The following ASPH variants were observed in gnomAD, a reference collection of about 807,000 sequenced individuals.
ASPH encodes the protein aspartate beta-hydroxylase, also known as aspartyl/asparaginyl beta-hydroxylase.
In ASPH, 100 loss-of-function variants were observed where a neutral mutation model predicts 118.4. The observed-to-expected ratio is 0.84, with a 90% CI of 0.72 to 1.00. The LOEUF (loss-of-function observed/expected upper bound fraction) is 1.00. Ranked by LOEUF, ASPH falls within the 50% of genes least tolerant of loss-of-function variation. The pLI, the probability that ASPH is intolerant of heterozygous loss-of-function variation, is 0.00. For missense variants in ASPH, 920 were observed against 919.5 expected, an observed-to-expected ratio of 1.00 and a Z score of -0.01; for synonymous variants, 315 against 325.6, an observed-to-expected ratio of 0.97 and a Z score of 0.35.
chr8:61,637,711 C>T lies in ASPH; in HGVS notation c.889+236G>A, dbSNP rs545210669. On this transcript the variant is annotated intron_variant, in intron 12 of 24. Transcript: ENST00000379454. ...CATCAATTGTTTGCTGTTACAGTAG[C>T]CTGTTTTTATCACTATCATTGTACT... Among the ~76,000 whole-genome samples the T allele has an allele frequency of 1.2e-4, 18 of 152,246 alleles. No homozygotes were observed. The East Asian group carries it at 3.3e-3, about 28-fold the overall frequency.
chr8:61,612,520 C>T (rs574492854), intron 14 of ASPH, among the ~76,000 whole-genome samples: 15 of 152,062 alleles, frequency 9.9e-5, no homozygotes, highest in African/African-American at 3.6e-4. Context: ...ATTACAGGCA[C>T]ACACCACCAC....
chr8:61,596,411 C>A (rs1376715868), intron 14 of ASPH, among the ~76,000 whole-genome samples: 1 of 152,228 alleles, frequency 6.6e-6, no homozygotes, highest in Non-Finnish European at 1.5e-5. Context: ...GACCTGCCTG[C>A]CCACTGCAGC....
chr8:61,586,321 C>G (rs74652742), intron 14 of ASPH, among the ~76,000 whole-genome samples: 1 of 152,088 alleles, frequency 6.6e-6, no homozygotes, highest in Non-Finnish European at 1.5e-5. Flanking sequence ...TCCTGCATCA[C>G]GAAAATTATA....
chr8:61,639,549 C>A (rs1804078493), intron 10 of ASPH, among the ~76,000 whole-genome samples: 1 of 152,160 alleles, frequency 6.6e-6, no homozygotes, highest in Non-Finnish European at 1.5e-5. Context: ...TTCACTTCAT[C>A]TTTTTCTTAG....
intron 13 of ASPH, among the ~76,000 whole-genome samples, chr8:61,620,779 C>T (rs7000515): frequency 6.6e-6 from 1 of 152,160 alleles, no homozygotes; most frequent in East Asian, 1.9e-4. Flanking sequence ...TTGCATAAGG[C>T]TAATGTGATT....
chr8:61,650,936 A>T, intron 5 of ASPH, 114 bp downstream of exon 5: 2 of 1,106,278 alleles, frequency 1.8e-6, no homozygotes, highest in South Asian at 1.6e-5. Flanking sequence ...AAAACTTTTT[A>T]AAAAACACAA....
chr8:61,514,614 C>A (rs1197139129), intron 24 of ASPH, among the ~76,000 whole-genome samples: 1 of 152,000 alleles, frequency 6.6e-6, no homozygotes, highest in African/African-American at 2.4e-5. Context: ...GAGGCTGAGG[C>A]AGGAAAATAG....
At chr8:61,670,305 G>GT (rs1554554248) in intron 3 of ASPH, among the ~76,000 whole-genome samples, 63 of 147,312 alleles carry the variant, frequency 4.3e-4, no homozygotes, top group Middle Eastern at 3.4e-3. Flanking sequence ...GTGTTTGTTT[G>GT]TTTTTTTTTT....
At chr8:61,514,035 G>C (rs1323125328) in intron 24 of ASPH, among the ~76,000 whole-genome samples, 1 of 152,144 alleles carries the variant, frequency 6.6e-6, no homozygotes, top group Non-Finnish European at 1.5e-5. Flanking sequence ...CACTATGTTT[G>C]TTGGAGTGCA....
At chr8:61,614,673 G>C (rs1267702789) in intron 14 of ASPH, among the ~76,000 whole-genome samples, 1 of 151,982 alleles carries the variant, frequency 6.6e-6, no homozygotes, top group African/African-American at 2.4e-5. Flanking sequence ...GTTGTTGTTT[G>C]TTGAGACAGC....
intron 14 of ASPH, among the ~76,000 whole-genome samples, chr8:61,601,835 A>G (rs1173396834): frequency 6.6e-6 from 1 of 151,394 alleles, no homozygotes; most frequent in Non-Finnish European, 1.5e-5. Context: ...TAAACAATAA[A>G]TATTATAAAC....
chr8:61,648,234 C>T (rs1005609374), intron 5 of ASPH, among the ~76,000 whole-genome samples: 1 of 152,164 alleles, frequency 6.6e-6, no homozygotes, highest in South Asian at 2.1e-4. Context: ...ACCATTATTA[C>T]AGTAATAACA....
chr8:61,664,565 G>C, intron 3 of ASPH: 1 of 985,338 alleles, frequency 1.0e-6, no homozygotes, highest in South Asian at 4.7e-5. Context: ...TTGTTGTAGG[G>C]AGGTCAGGAG....
At chr8:61,553,878 G>C (rs1185532576) in intron 19 of ASPH, among the ~76,000 whole-genome samples, 5 of 152,148 alleles carry the variant, frequency 3.3e-5, no homozygotes, top group African/African-American at 1.2e-4. Flanking sequence ...GCATCCTTGA[G>C]GCCTCTTCAC....
chr8:61,635,584 T>C (rs1223789796), intron 12 of ASPH, among the ~76,000 whole-genome samples: 1 of 152,060 alleles, frequency 6.6e-6, no homozygotes, highest in East Asian at 1.9e-4. Context: ...AAAGTAATTG[T>C]GGGTTTTGCT....
intron 14 of ASPH, among the ~76,000 whole-genome samples, chr8:61,616,560 G>A (rs1332578897): frequency 3.3e-5 from 5 of 152,104 alleles, no homozygotes; most frequent in South Asian, 2.1e-4. Flanking sequence ...GGCTGGGTAC[G>A]GTGTCCACAG....
chr8:61,584,668 CTTT>C (rs1271224499), intron 14 of ASPH, among the ~76,000 whole-genome samples: 1 of 143,500 alleles, frequency 7.0e-6, no homozygotes, highest in Non-Finnish European at 1.5e-5. Context: ...TTTCTTTCTT[CTTT>C]TTTTCTTTTT....
rs1325536459 is a variant in ASPH at position 61,500,690 on chromosome 8, C to T, written c.*2669G>A. 6.6e-6 allele frequency: 1 copy of T among 152,132 alleles called. No homozygotes were observed. Among genetic ancestry groups the T allele is most frequent in the Admixed American group, 6.5e-5 (1 of 15,276 alleles). The allele number at this position is 152,132 out of a possible 1,614,324, so 9.4% of individuals were successfully genotyped here. A position where few individuals can be genotyped will look rare whatever the true frequency, so the allele number is the denominator to read the frequency against. ...CTTACTTGTGCCATGTTTTCCAAGA[C>T]CAGTGCATATTTTTAGACATCTCTT... On this transcript the variant is annotated 3_prime_UTR_variant, in exon 25 of 25. Transcript: ENST00000379454.
chr8:61,584,046 AT>A lies in ASPH; in HGVS notation c.977-18del. On this transcript the variant is annotated intron_variant, in intron 14 of 24. Transcript: ENST00000379454. ...TTTTCTTAACTGAAAGAAAAAAGAG[AT>A]TTTTATTTTTAACGTTTTTTGACTA... The A allele has an allele frequency of 1.4e-6, 2 of 1,421,906 alleles. No individual in the cohort carries two copies. The highest frequency in any genetic ancestry group is 2.5e-5 in the South Asian group (2 of 80,134). The allele number at this position is 1,421,906 out of a possible 1,614,324, so 88.1% of individuals were successfully genotyped here. A position where few individuals can be genotyped will look rare whatever the true frequency, so the allele number is the denominator to read the frequency against.
Sources: allele counts gnomAD v4.1 joint callset (sites outside exome capture counted in the v4.1 genomes callset), GRCh38; gene constraint gnomAD v4.1.1; transcripts MANE v1.5; gene names NCBI Gene and HGNC (gene_info 2026-07-23, HGNC 2026-07-21).